SLC16A12: variants seen among roughly 807,000 people sequenced by gnomAD.
SLC16A12 encodes monocarboxylate transporter 12.
In SLC16A12, 17 loss-of-function variants were observed where a neutral mutation model predicts 42.4. That is an observed-to-expected ratio of 0.40 (90% CI 0.27 to 0.60). SLC16A12 has a LOEUF of 0.60. SLC16A12 is among the 20% of genes least tolerant of loss of function. The probability of loss-of-function intolerance (pLI) is 0.42; values close to 1 mark genes in which losing one functional copy is unlikely to be tolerated. For synonymous variants in SLC16A12, 224 were observed against 229.4 expected, an observed-to-expected ratio of 0.98 and a Z score of 0.21; for missense variants, 544 against 623.0, an observed-to-expected ratio of 0.87 and a Z score of 1.35.
At chr10:89,479,230 C>T (rs931075332) in intron 2 of SLC16A12, among the ~76,000 whole-genome samples, 1 of 152,142 alleles carries the variant, frequency 6.6e-6, no homozygotes, top group African/African-American at 2.4e-5. Flanking sequence ...CTTCTCCTCA[C>T]TTTTCGCTGT....
chr10:89,526,904 C>A (rs1329314318), intron 2 of SLC16A12, among the ~76,000 whole-genome samples: 4 of 149,194 alleles, frequency 2.7e-5, no homozygotes, highest in African/African-American at 9.9e-5. Context: ...GCAGAAGGGG[C>A]CACCAGAAAG....
intron 2 of SLC16A12, among the ~76,000 whole-genome samples, chr10:89,530,569 C>G (rs1342201752): frequency 6.6e-6 from 1 of 152,066 alleles, no homozygotes; most frequent in Non-Finnish European, 1.5e-5. Flanking sequence ...AGGCGCCTAC[C>G]ACCACGCCCG....
At chr10:89,446,268 T>C (rs1842000309) in intron 3 of SLC16A12, among the ~76,000 whole-genome samples, 1 of 152,018 alleles carries the variant, frequency 6.6e-6, no homozygotes, top group African/African-American at 2.4e-5. Flanking sequence ...AACACAAAGA[T>C]ACTCCTTGAG....
chr10:89,510,800 C>G (rs562449078), intron 2 of SLC16A12, among the ~76,000 whole-genome samples: 7 of 152,264 alleles, frequency 4.6e-5, no homozygotes, highest in African/African-American at 1.7e-4. Flanking sequence ...AGGCAACCTA[C>G]AGAATGGGAT....
intron 2 of SLC16A12, among the ~76,000 whole-genome samples, chr10:89,544,953 T>A (rs371331558): frequency 6.6e-6 from 1 of 152,232 alleles, no homozygotes; most frequent in South Asian, 2.1e-4. Flanking sequence ...CATCATCTTA[T>A]GATTGCTTTA....
intron 2 of SLC16A12, among the ~76,000 whole-genome samples, chr10:89,473,866 CTGTT>C (rs1842538671): frequency 6.6e-6 from 1 of 152,152 alleles, no homozygotes; most frequent in African/African-American, 2.4e-5. Flanking sequence ...CAGCCATAAT[CTGTT>C]TGCCTGAGGA....
intron 2 of SLC16A12, among the ~76,000 whole-genome samples, chr10:89,525,550 C>G (rs754524307): frequency 1.3e-5 from 2 of 152,152 alleles, no homozygotes; most frequent in Non-Finnish European, 2.9e-5. Context: ...TGACGAGTCC[C>G]TTAATCACTG....
intron 2 of SLC16A12, among the ~76,000 whole-genome samples, chr10:89,519,702 A>G (rs1589723132): frequency 6.6e-6 from 1 of 151,958 alleles, no homozygotes; most frequent in East Asian, 1.9e-4. Flanking sequence ...AGGCTGAACC[A>G]TGGAAACATC....
intron 2 of SLC16A12, among the ~76,000 whole-genome samples, chr10:89,542,712 CCT>C (rs1248699429): frequency 1.3e-5 from 2 of 152,162 alleles, no homozygotes; most frequent in African/African-American, 4.8e-5. Context: ...ATTACTTTAG[CCT>C]CTCTCCCCGC....
At position 89,462,496 on chromosome 10, in the gene SLC16A12, CT is replaced by C; in HGVS notation, c.82del (p.Arg28GlufsTer7). ...LLEQPGKEEK[R>X]KTMAKVNRAR... Reference sequence around the variant, plus strand: ...TCTATTTACTTTTGCCATGGTTTTTCTTTTTTCTTCTTTTCCAGGTTGCTCC... The same window carrying C: ...TCTATTTACTTTTGCCATGGTTTTTCTTTTTCTTCTTTTCCAGGTTGCTCC... On this transcript the variant is annotated frameshift_variant, in exon 3 of 8. Transcript: ENST00000371790. LOFTEE classifies it high-confidence loss of function. 1 of 1,613,898 alleles carries C rather than the reference CT, an allele frequency of 6.2e-7. No individual in the cohort carries two copies. Among genetic ancestry groups the C allele is most frequent in the Non-Finnish European group, 8.5e-7 (1 of 1,179,928 alleles).
chr10:89,555,467 A>ATATATATGTGTATATATACGTATATACG (rs1843803849), intron 2 of SLC16A12, among the ~76,000 whole-genome samples: 1 of 133,752 alleles, frequency 7.5e-6, no homozygotes, highest in Non-Finnish European at 1.6e-5. Flanking sequence ...AAAGGATAAT[A>ATATATATGTGTATATATACGTATATACG]TATATATGTG....
chr10:89,536,080 CTG>C (rs1843655820), upstream of SLC16A12, among the ~76,000 whole-genome samples: 1 of 140,886 alleles, frequency 7.1e-6, no homozygotes, highest in Admixed American at 6.7e-5. Context: ...CACCGGCTTT[CTG>C]TGTCCCCAGC....
chr10:89,463,757 C>T (rs1842343241), intron 2 of SLC16A12, among the ~76,000 whole-genome samples: 1 of 152,128 alleles, frequency 6.6e-6, no homozygotes, highest in African/African-American at 2.4e-5. Flanking sequence ...TGCATTCATT[C>T]ATTCATTCAA....
intron 2 of SLC16A12, among the ~76,000 whole-genome samples, chr10:89,472,913 G>T (rs1842523234): frequency 6.6e-6 from 1 of 151,966 alleles, no homozygotes; most frequent in African/African-American, 2.4e-5. Context: ...GACCTCCTGG[G>T]CTCAAGTGAT....
Position 89,456,710 on chromosome 10 carries a change from C to G in SLC16A12, c.200+5669G>C, listed in dbSNP as rs534343503. On this transcript the variant is annotated intron_variant, in intron 3 of 7. Coordinates refer to ENST00000371790, the MANE Select transcript of SLC16A12 (RefSeq NM_213606.4). ...GATGCTCTCCCTCTTCCCACTCCCCCACCCCGACAGGCCCCAGTGTGTGTT... is the reference window on the plus strand; with the variant it reads ...GATGCTCTCCCTCTTCCCACTCCCCGACCCCGACAGGCCCCAGTGTGTGTT... Among the ~76,000 whole-genome samples the G allele has an allele frequency of 1.4e-4, 21 of 152,198 alleles. No individual in the cohort carries two copies. The East Asian group carries it at 2.9e-3, about 21-fold the overall frequency.
intron 2 of SLC16A12, among the ~76,000 whole-genome samples, chr10:89,476,272 T>C (rs573574892): frequency 6.6e-6 from 1 of 152,344 alleles, no homozygotes; most frequent in South Asian, 2.1e-4. Context: ...AGAGAGCCTA[T>C]TATTGAGAAC....
At chr10:89,440,653 A>G (rs1841892298) in intron 5 of SLC16A12, among the ~76,000 whole-genome samples, 2 of 152,168 alleles carry the variant, frequency 1.3e-5, no homozygotes, top group African/African-American at 4.8e-5. Context: ...AGAATGTGTA[A>G]TATAAGAATA....
intron 3 of SLC16A12, among the ~76,000 whole-genome samples, chr10:89,455,179 G>C (rs1201882908): frequency 1.3e-5 from 2 of 152,138 alleles, no homozygotes; most frequent in Non-Finnish European, 2.9e-5. Context: ...ATCCACAAGA[G>C]GGAGATGCAG....
chr10:89,494,623 T>C (rs1276638057), intron 2 of SLC16A12, among the ~76,000 whole-genome samples: 1 of 152,100 alleles, frequency 6.6e-6, no homozygotes, highest in African/African-American at 2.4e-5. Context: ...ACAAAAGATG[T>C]CAAACACATT....
Sources: allele counts gnomAD v4.1 joint callset (sites outside exome capture counted in the v4.1 genomes callset), GRCh38; gene constraint gnomAD v4.1.1; transcripts MANE v1.5; gene names NCBI Gene and HGNC (gene_info 2026-07-23, HGNC 2026-07-21).